The following CNBD1 variants were observed in gnomAD, a reference collection of about 807,000 sequenced individuals.
CNBD1 encodes cyclic nucleotide-binding domain-containing protein 1.
In CNBD1, 71 loss-of-function variants were observed where a neutral mutation model predicts 54.4. The ratio of observed to expected loss-of-function variants is 1.30; its 90% CI spans 1.08 to 1.59. The LOEUF (loss-of-function observed/expected upper bound fraction) is 1.59. Ranked by LOEUF, CNBD1 falls within the 40% of genes most tolerant of loss-of-function variation. The pLI is 0.00. For synonymous variants in CNBD1, 182 were observed against 170.7 expected (o/e 1.07, Z -0.51); for missense variants, 659 against 518.0 (o/e 1.27, Z -2.64).
intron 2 of CNBD1, among the ~76,000 whole-genome samples, chr8:87,412,547 A>C (rs565476978): frequency 4.4e-4 from 67 of 152,206 alleles, no homozygotes; most frequent in African/African-American, 1.5e-3. Context: ...ACATGAGGCT[A>C]AATTTCACCA....
chr8:87,016,287 T>G (rs564298163), intron 4 of CNBD1, among the ~76,000 whole-genome samples: 1 of 151,950 alleles, frequency 6.6e-6, no homozygotes, highest in African/African-American at 2.4e-5. Context: ...GAAATTTGGG[T>G]TACTAAAAAG....
At chr8:87,005,101 C>G (rs1809069044) in intron 4 of CNBD1, among the ~76,000 whole-genome samples, 1 of 151,548 alleles carries the variant, frequency 6.6e-6, no homozygotes, top group Non-Finnish European at 1.5e-5. Context: ...AAGAAAGTCT[C>G]AGCAGGGCAC....
chr8:87,078,093 C>A (rs890937875), intron 4 of CNBD1, among the ~76,000 whole-genome samples: 3 of 152,118 alleles, frequency 2.0e-5, no homozygotes, highest in African/African-American at 4.8e-5. Flanking sequence ...AGAACACAAA[C>A]CTTCAGTCTA....
chr8:87,402,903 G>A (rs1018929940), intron 2 of CNBD1, among the ~76,000 whole-genome samples: 8 of 151,986 alleles, frequency 5.3e-5, no homozygotes, highest in Admixed American at 5.3e-4. Flanking sequence ...GAAGAATGGA[G>A]CTACTGCTGT....
chr8:86,997,568 A>T (rs899773963), intron 4 of CNBD1, among the ~76,000 whole-genome samples: 1 of 152,136 alleles, frequency 6.6e-6, no homozygotes, highest in African/African-American at 2.4e-5. Flanking sequence ...GAGGCTGTTT[A>T]CCTACTGGAC....
intron 4 of CNBD1, among the ~76,000 whole-genome samples, chr8:87,142,136 A>G (rs936688434): frequency 6.6e-6 from 1 of 152,182 alleles, no homozygotes; most frequent in Non-Finnish European, 1.5e-5. Context: ...AGAGAGAAAA[A>G]GGATAACAGA....
Position 87,401,082 on chromosome 8 carries a change from A to G in CNBD1, c.214-27464A>G, listed in dbSNP as rs574155397. 1.2e-4 allele frequency among the ~76,000 whole-genome samples: 18 copies of G among 152,158 alleles called. No homozygotes were observed. In the South Asian group the frequency reaches 1.7e-3, roughly 14 times the overall value. ...GTGAACTAGAGAGTGATTAGTGTACAAAAGCTTGCAGTGAGGCAACAAAAA... is the reference window on the plus strand; with the variant it reads ...GTGAACTAGAGAGTGATTAGTGTACGAAAGCTTGCAGTGAGGCAACAAAAA... On this transcript the variant is annotated intron_variant, in intron 2 of 7. Transcript: ENST00000521593.
At position 87,365,089 on chromosome 8, in the gene CNBD1, A is replaced by T. The variant is rs150526822; in HGVS notation, c.1303+11303A>T. 2.6e-3 allele frequency among the ~76,000 whole-genome samples: 400 copies of T among 151,954 alleles called. 2 individuals carry two copies. Among genetic ancestry groups the T allele is most frequent in the Non-Finnish European group, 4.2e-3 (286 of 67,946 alleles). ...CCACACTGCTTTCTATAATGGTTGAACCTAATTTACACTCGCACCAACAGT... is the reference window on the plus strand; with the variant it reads ...CCACACTGCTTTCTATAATGGTTGATCCTAATTTACACTCGCACCAACAGT... On this transcript the variant is annotated intron_variant, in intron 10 of 10. Transcript: ENST00000518476.
chr8:87,399,498 C>T (rs531260489), intron 2 of CNBD1, among the ~76,000 whole-genome samples: 2 of 151,984 alleles, frequency 1.3e-5, no homozygotes, highest in African/African-American at 4.8e-5. Context: ...TGGAATGAGA[C>T]TACTAGATTT....
chr8:87,343,435 A>G (rs965136639), intron 8 of CNBD1, among the ~76,000 whole-genome samples: 2 of 152,242 alleles, frequency 1.3e-5, no homozygotes, highest in Non-Finnish European at 2.9e-5. Context: ...TTGGGAACTA[A>G]TAAATGTCCA....
intron 8 of CNBD1, among the ~76,000 whole-genome samples, chr8:87,288,607 C>T (rs1175687683): frequency 6.6e-6 from 1 of 151,932 alleles, no homozygotes; most frequent in African/African-American, 2.4e-5. Context: ...AATTTTGCAT[C>T]AAAGAGCTAA....
chr8:87,092,545 A>G (rs540270206), intron 4 of CNBD1, among the ~76,000 whole-genome samples: 29 of 77,392 alleles, frequency 3.7e-4, no homozygotes, highest in South Asian at 1.1e-3. Flanking sequence ...ATGTGTGTGT[A>G]TATATATATA....
chr8:87,098,692 AAATGTATT>A (rs1262643892), intron 4 of CNBD1, among the ~76,000 whole-genome samples: 1 of 151,604 alleles, frequency 6.6e-6, no homozygotes, highest in Non-Finnish European at 1.5e-5. Flanking sequence ...GTTCATCAAC[AAATGTATT>A]AGACACTACT....
intron 4 of CNBD1, among the ~76,000 whole-genome samples, chr8:87,066,455 A>C (rs1810656247): frequency 1.3e-5 from 2 of 151,998 alleles, no homozygotes; most frequent in Non-Finnish European, 2.9e-5. Flanking sequence ...TCAGTGTGCT[A>C]AGATAGCCAA....
chr8:87,065,188 A>G (rs942365729), intron 4 of CNBD1, among the ~76,000 whole-genome samples: 2 of 151,988 alleles, frequency 1.3e-5, no homozygotes, highest in African/African-American at 2.4e-5. Context: ...TATCCTTGAA[A>G]CATGGTAAGT....
At chr8:87,364,470 T>C (rs1446217640) in intron 10 of CNBD1, among the ~76,000 whole-genome samples, 1 of 149,382 alleles carries the variant, frequency 6.7e-6, no homozygotes, top group Non-Finnish European at 1.5e-5. Flanking sequence ...CCAATTTGTC[T>C]TTTTATTTTA....
chr8:87,158,745 T>G (rs1250207381), intron 4 of CNBD1, among the ~76,000 whole-genome samples: 1 of 152,174 alleles, frequency 6.6e-6, no homozygotes, highest in Non-Finnish European at 1.5e-5. Flanking sequence ...CTGAGTCCAC[T>G]GCTTAGTCTG....
intron 8 of CNBD1, among the ~76,000 whole-genome samples, chr8:87,328,050 T>C (rs1340271989): frequency 1.3e-5 from 2 of 152,086 alleles, no homozygotes; most frequent in Non-Finnish European, 2.9e-5. Context: ...ATATATACCA[T>C]GGTGGTTTGC....
At chr8:87,406,629 G>A (rs1419595868) in intron 2 of CNBD1, among the ~76,000 whole-genome samples, 1 of 151,868 alleles carries the variant, frequency 6.6e-6, no homozygotes, top group Non-Finnish European at 1.5e-5. Flanking sequence ...ACAGGCGTGT[G>A]CCACCACGCC....
Sources: allele counts gnomAD v4.1 joint callset (sites outside exome capture counted in the v4.1 genomes callset), GRCh38; gene constraint gnomAD v4.1.1; transcripts MANE v1.5; gene names NCBI Gene and HGNC (gene_info 2026-07-23, HGNC 2026-07-21).